Variants in MGST1 observed in about 807,000 individuals in gnomAD.
The protein encoded by MGST1 is microsomal glutathione S-transferase 1, also known as glutathione S-transferase 12.
Under a neutral mutation model 8.9 loss-of-function variants are expected in MGST1, and 5 were observed. The ratio of observed to expected loss-of-function variants is 0.56; its 90% CI spans 0.29 to 1.19. The LOEUF (loss-of-function observed/expected upper bound fraction) is 1.19. Among genes scored for constraint, MGST1 ranks in the 50% most tolerant of loss-of-function variants. The pLI is 0.08. For missense variants in MGST1, 182 were observed against 187.4 expected (o/e 0.97, Z 0.17); for synonymous variants, 54 against 67.8 (o/e 0.80, Z 1.00).
intron 4 of MGST1, among the ~76,000 whole-genome samples, chr12:16,491,356 T>C (rs1243940221): frequency 1.3e-5 from 2 of 152,176 alleles, no homozygotes; most frequent in Non-Finnish European, 2.9e-5. Flanking sequence ...TGATTAATTG[T>C]TCTATGTTAG....
At chr12:16,551,183 T>G (rs1159550638) in intron 4 of MGST1, 5 of 1,241,458 alleles carry the variant, frequency 4.0e-6, no homozygotes, top group East Asian at 2.3e-5. Context: ...GATAAAAGAA[T>G]GTAGTGCTTT....
At chr12:16,464,705 A>G (rs1266272968) in intron 4 of MGST1, among the ~76,000 whole-genome samples, 1 of 152,224 alleles carries the variant, frequency 6.6e-6, no homozygotes, top group Non-Finnish European at 1.5e-5. Context: ...TTCAAGTGAC[A>G]GTGAGTTCAA....
chr12:16,554,147 T>C (rs1311766089), intron 4 of MGST1, among the ~76,000 whole-genome samples: 1 of 152,212 alleles, frequency 6.6e-6, no homozygotes, highest in East Asian at 1.9e-4. Flanking sequence ...TGACTTCATA[T>C]AGTCTTAGAG....
At chr12:16,402,444 G>A (rs80223511) in intron 1 of MGST1, 29,103 of 1,601,106 alleles carry the variant, frequency 0.018, 304 homozygotes, top group Middle Eastern at 0.042. Context: ...GCTTCTCCTC[G>A]GGTTCTGAGA....
At chr12:16,418,494 T>TA (rs1940804885) in intron 1 of MGST1, among the ~76,000 whole-genome samples, 1 of 152,180 alleles carries the variant, frequency 6.6e-6, no homozygotes, top group African/African-American at 2.4e-5. Flanking sequence ...TATTCTCTGA[T>TA]AAAAAATTCA....
At chr12:16,591,204 G>A (rs1391433289), downstream of MGST1, among the ~76,000 whole-genome samples, 1 of 151,876 alleles carries the variant, frequency 6.6e-6, no homozygotes, top group Non-Finnish European at 1.5e-5. The surrounding 1 kb of genome is among the most constrained non-coding windows in gnomAD (Gnocchi z 4.1). Context: ...CCACACCCCA[G>A]CTGCACTAGT....
At chr12:16,418,159 A>T (rs1173879421) in intron 1 of MGST1, among the ~76,000 whole-genome samples, 2 of 152,202 alleles carry the variant, frequency 1.3e-5, no homozygotes, top group African/African-American at 2.4e-5. Flanking sequence ...TATGTGTGTC[A>T]TGACACTTAA....
intron 4 of MGST1, among the ~76,000 whole-genome samples, chr12:16,495,215 A>G (rs1438145298): frequency 2.0e-5 from 3 of 152,154 alleles, no homozygotes; most frequent in Non-Finnish European, 4.4e-5. Flanking sequence ...TAATGCAGGA[A>G]CAGAAAACCA....
intron 1 of MGST1, among the ~76,000 whole-genome samples, chr12:16,350,028 G>A (rs1008038334): frequency 2.0e-5 from 3 of 152,188 alleles, no homozygotes; most frequent in African/African-American, 7.2e-5. Context: ...ACAGGCATGA[G>A]CCACCGCGCT....
chr12:16,417,665 G>T (rs1940798958), intron 1 of MGST1, among the ~76,000 whole-genome samples: 1 of 152,016 alleles, frequency 6.6e-6, no homozygotes, highest in Non-Finnish European at 1.5e-5. Context: ...ACCAATAAGG[G>T]GGTATGCTCA....
chr12:16,552,153 G>C (rs553740228), intron 4 of MGST1, among the ~76,000 whole-genome samples: 2 of 151,922 alleles, frequency 1.3e-5, no homozygotes, highest in Non-Finnish European at 2.9e-5. Context: ...GTGACACTTT[G>C]GACACAATTA....
intron 1 of MGST1, among the ~76,000 whole-genome samples, chr12:16,435,808 T>C (rs1474330289): frequency 6.6e-6 from 1 of 151,946 alleles, no homozygotes; most frequent in Non-Finnish European, 1.5e-5. Context: ...TATTATCTTA[T>C]AATAAAATAT....
intron 4 of MGST1, among the ~76,000 whole-genome samples, chr12:16,462,570 A>G (rs1329828836): frequency 6.6e-6 from 1 of 152,156 alleles, no homozygotes; most frequent in Non-Finnish European, 1.5e-5. Flanking sequence ...AAAACTAGGA[A>G]AAACCTTTGT....
At chr12:16,434,020 A>G (rs557385138) in intron 1 of MGST1, among the ~76,000 whole-genome samples, 2 of 152,188 alleles carry the variant, frequency 1.3e-5, no homozygotes, top group East Asian at 1.9e-4. Flanking sequence ...ACTAACTTCT[A>G]TTGTGTCCAT....
intron 4 of MGST1, among the ~76,000 whole-genome samples, chr12:16,573,082 CT>C (rs919576151): frequency 2.8e-4 from 42 of 148,960 alleles, no homozygotes; most frequent in Middle Eastern, 3.5e-3. Flanking sequence ...GAAAAAATAC[CT>C]TTTTTTTTTC....
intron 4 of MGST1, among the ~76,000 whole-genome samples, chr12:16,505,351 G>T (rs1296649324): frequency 1.3e-5 from 2 of 152,188 alleles, no homozygotes; most frequent in African/African-American, 4.8e-5. Flanking sequence ...TCCAGAGCTA[G>T]ATAGCACTGC....
At chr12:16,449,543 G>A (rs553829187) in intron 4 of MGST1, among the ~76,000 whole-genome samples, 9 of 152,002 alleles carry the variant, frequency 5.9e-5, no homozygotes, top group African/African-American at 2.2e-4. Flanking sequence ...AGTGAAAGGT[G>A]TACAATTGGA....
chr12:16,479,198 G>GTATA (rs144060566), intron 4 of MGST1, among the ~76,000 whole-genome samples: 20 of 139,500 alleles, frequency 1.4e-4, no homozygotes, highest in South Asian at 4.6e-4. Context: ...TCCATTGTGT[G>GTATA]TATATATATA....
chr12:16,382,497 A>G (rs1940465836), upstream of MGST1, among the ~76,000 whole-genome samples: 1 of 151,922 alleles, frequency 6.6e-6, no homozygotes, highest in South Asian at 2.1e-4. Flanking sequence ...GTTCCTCTGG[A>G]GGTTTTGTCT....
Sources: allele counts gnomAD v4.1 joint callset (sites outside exome capture counted in the v4.1 genomes callset), GRCh38; gene constraint gnomAD v4.1.1; non-coding constraint Gnocchi (gnomAD v3.1); transcripts MANE v1.5; gene names NCBI Gene and HGNC (gene_info 2026-07-23, HGNC 2026-07-21).